The following BICC1 variants were observed in gnomAD, a reference collection of about 807,000 sequenced individuals.
The protein encoded by BICC1 is BicC family RNA binding protein 1, also known as protein bicaudal C homolog 1.
Under a neutral mutation model 111.0 loss-of-function variants are expected in BICC1, and 43 were observed. The ratio of observed to expected loss-of-function variants is 0.39; its 90% CI spans 0.30 to 0.50. The LOEUF is 0.50. Among genes scored for constraint, BICC1 ranks in the 20% least tolerant of loss-of-function variants. BICC1 has a pLI of 0.88. For synonymous variants in BICC1, 467 were observed against 434.4 expected (o/e 1.07, Z -0.93); for missense variants, 1,091 against 1,203.2 (o/e 0.91, Z 1.38).
intron 3 of BICC1, among the ~76,000 whole-genome samples, chr10:58,764,407 T>G (rs1218495448): frequency 6.6e-6 from 1 of 152,138 alleles, no homozygotes; most frequent in Non-Finnish European, 1.5e-5. Context: ...CTCGACACAT[T>G]ATTGGCAGAA....
At chr10:58,621,492 C>T (rs1052654496) in intron 2 of BICC1, among the ~76,000 whole-genome samples, 1 of 146,472 alleles carries the variant, frequency 6.8e-6, no homozygotes, top group African/African-American at 2.4e-5. Flanking sequence ...TTAGCTGGGG[C>T]AGGCTTAGCA....
chr10:58,752,378 G>A (rs977559596), intron 3 of BICC1, among the ~76,000 whole-genome samples: 26 of 152,122 alleles, frequency 1.7e-4, no homozygotes, highest in African/African-American at 4.8e-4. Flanking sequence ...TCAGTAGAAG[G>A]ATCTAATTCT....
At chr10:58,604,497 A>G (rs910770599) in intron 1 of BICC1, among the ~76,000 whole-genome samples, 14 of 152,018 alleles carry the variant, frequency 9.2e-5, no homozygotes, top group Non-Finnish European at 1.8e-4. Context: ...CATCTCTACT[A>G]AAAATACAAA....
chr10:58,776,967 C>T (rs907665996), intron 3 of BICC1, among the ~76,000 whole-genome samples: 12 of 152,050 alleles, frequency 7.9e-5, no homozygotes, highest in African/African-American at 2.9e-4. Flanking sequence ...GGATTTTTCC[C>T]TGCCCTCCTC....
intron 3 of BICC1, among the ~76,000 whole-genome samples, chr10:58,730,139 T>C (rs781361204): frequency 1.4e-4 from 21 of 152,120 alleles, no homozygotes; most frequent in Non-Finnish European, 2.4e-4. Context: ...ACTTCCAAGA[T>C]ACAATGAAGG....
At chr10:58,793,191 T>C (rs1157397731) in intron 8 of BICC1, among the ~76,000 whole-genome samples, 1 of 152,098 alleles carries the variant, frequency 6.6e-6, no homozygotes, top group Non-Finnish European at 1.5e-5. Context: ...TTAACAAAAC[T>C]GAAGTTAGAG....
Position 58,513,219 on chromosome 10 carries a change from T to C in BICC1, c.76T>C (p.Ser26Pro). ...CTCCAACAGCGAGCGCAGCACCGAC[T>C]CCCCAGTGCCCGGCTCCGAGGACGA... is the stretch of plus-strand genomic sequence containing the variant. ...PGSNSERSTD[S>P]PVPGSEDDLV... The change falls in exon 1 of 21, where the codon TCC becomes CCC. Residue 26 changes from serine to proline, a missense_variant. Transcript: ENST00000373886. 6.2e-7 allele frequency: 1 copy of C among 1,611,648 alleles called. No homozygotes were observed. Among genetic ancestry groups the C allele is most frequent in the Non-Finnish European group, 8.5e-7 (1 of 1,179,260 alleles).
intron 1 of BICC1, among the ~76,000 whole-genome samples, chr10:58,607,240 C>A (rs999496709): frequency 1.3e-5 from 2 of 151,158 alleles, no homozygotes; most frequent in Non-Finnish European, 2.9e-5. Context: ...CCCTTGAACC[C>A]GGGAGGCGGA....
At chr10:58,793,733 T>C in intron 9 of BICC1, 118 bp downstream of exon 9, 1 of 1,123,892 alleles carries the variant, frequency 8.9e-7, no homozygotes, top group Non-Finnish European at 1.3e-6. Flanking sequence ...ACAGGTTGAA[T>C]ATCCCCAATC....
At position 58,789,875 on chromosome 10, in the gene BICC1, C is replaced by T; in HGVS notation, c.989C>T (p.Ser330Phe). The change falls in exon 8 of 21, where the codon TCT becomes TTT. Residue 330 changes from serine to phenylalanine, a missense_variant. Ser to Phe is a radical substitution (Grantham distance 155). Coordinates refer to ENST00000373886, the MANE Select transcript of BICC1 (RefSeq NM_001080512.3). The part of the protein sequence containing the change: ...FPDPSNPQKK[S>F]TVYLQGTIES... The stretch of plus-strand genomic sequence containing the variant: ...GATCCCAGTAATCCACAAAAGAAAT[C>T]TACCGTCTACCTCCAGGGCACCATT... 6.2e-7 allele frequency: 1 copy of T among 1,614,154 alleles called. No homozygotes were observed. Among genetic ancestry groups the T allele is most frequent in the Non-Finnish European group, 8.5e-7 (1 of 1,180,004 alleles).
chr10:58,667,938 C>T (rs1839067601), intron 2 of BICC1, among the ~76,000 whole-genome samples: 3 of 152,032 alleles, frequency 2.0e-5, no homozygotes, highest in Non-Finnish European at 4.4e-5. Context: ...AGGTAAAGCA[C>T]ATATTTATGA....
rs71033690 is a variant in BICC1, at chr10:58,601,140, T to TTATATATATATATA, written c.191-19697_191-19684dup. ...ACTTTTTAGGCAGTCATTTTAAAAC[T>TTATATATATATATA]TATATATATATATATATATATATAT... On this transcript the variant is annotated intron_variant, in intron 1 of 20. Coordinates refer to ENST00000373886, the MANE Select transcript of BICC1 (RefSeq NM_001080512.3). 9.1e-3 allele frequency among the ~76,000 whole-genome samples: 909 copies of TTATATATATATATA among 100,434 alleles called. 10 individuals are homozygous for TTATATATATATATA. The highest frequency in any genetic ancestry group is 0.011 in the Non-Finnish European group (556 of 50,364). 65.9% of individuals were successfully genotyped at this position (100,434 alleles called of 152,430 possible).
chr10:58,713,921 C>CT (rs1309281127), intron 3 of BICC1, among the ~76,000 whole-genome samples: 1 of 152,114 alleles, frequency 6.6e-6, no homozygotes, highest in East Asian at 1.9e-4. Flanking sequence ...AAACTTTCTT[C>CT]TGGAATGGTG....
At chr10:58,766,082 C>A (rs1054729875) in intron 3 of BICC1, among the ~76,000 whole-genome samples, 1 of 152,148 alleles carries the variant, frequency 6.6e-6, no homozygotes, top group African/African-American at 2.4e-5. Context: ...TCTTCGTCAC[C>A]CCCTGAAGCT....
chr10:58,517,451 G>A (rs1564467739), intron 1 of BICC1, among the ~76,000 whole-genome samples: 2 of 151,384 alleles, frequency 1.3e-5, no homozygotes, highest in Non-Finnish European at 3.0e-5. Context: ...AAAATGATTT[G>A]ATGAACAGAT....
Position 58,799,162 on chromosome 10 carries a change from C to G in BICC1, c.1635C>G (p.Pro545=), listed in dbSNP as rs905442350. The G allele has an allele frequency of 1.2e-6, 2 of 1,613,908 alleles. No homozygotes were observed. Among genetic ancestry groups the G allele is most frequent in the Non-Finnish European group, 1.7e-6 (2 of 1,179,930 alleles). The change falls in exon 12 of 21, where the codon CCC becomes CCG. Residue 545 remains proline, a synonymous_variant. Transcript: ENST00000373886. ...CCTATGGGCACACAGCTCCATCTCC[C>G]CCTCCTGGCTTGACTCCTGTTGATG... The part of the protein sequence containing the change: ...VPTYGHTAPS[P]PPGLTPVDVH...
intron 18 of BICC1, 116 bp downstream of exon 18, chr10:58,814,102 A>C: frequency 8.5e-7 from 1 of 1,179,886 alleles, no homozygotes; most frequent in South Asian, 1.2e-5. Flanking sequence ...TGTAATTCAC[A>C]TGCCATCTCC....
At chr10:58,759,303 G>A (rs1323702139) in intron 3 of BICC1, among the ~76,000 whole-genome samples, 1 of 152,022 alleles carries the variant, frequency 6.6e-6, no homozygotes, top group Non-Finnish European at 1.5e-5. Flanking sequence ...AAGCAAAAAT[G>A]ATTCAATATA....
intron 2 of BICC1, among the ~76,000 whole-genome samples, chr10:58,665,887 A>G (rs908209350): frequency 2.0e-5 from 3 of 152,178 alleles, no homozygotes; most frequent in African/African-American, 4.8e-5. Context: ...GTATGGTTTT[A>G]TATTTTACTC....
Sources: gnomAD v4.1 joint callset for allele counts (sites outside exome capture counted in the v4.1 genomes callset) on GRCh38, gnomAD v4.1.1 for gene constraint, MANE v1.5 for transcripts, NCBI Gene and HGNC (gene_info 2026-07-23, HGNC 2026-07-21) for gene names.